Variants in FGFR1 observed in about 807,000 individuals in gnomAD.
The protein encoded by FGFR1 is fibroblast growth factor receptor 1, also known as FGFR1/PLAG1 fusion.
Under a neutral mutation model 93.7 loss-of-function variants are expected in FGFR1, and 18 were observed. That is an observed-to-expected ratio of 0.19 (90% CI 0.13 to 0.28). The LOEUF is 0.28. FGFR1 is among the 10% of genes least tolerant of loss of function. The probability of loss-of-function intolerance (pLI) is 1.00; values close to 1 mark genes in which losing one functional copy is unlikely to be tolerated. For missense variants in FGFR1, 731 were observed against 1,080.4 expected, an observed-to-expected ratio of 0.68 and a Z score of 4.53; for synonymous variants, 448 against 429.3, an observed-to-expected ratio of 1.04 and a Z score of -0.54.
intron 2 of FGFR1, among the ~76,000 whole-genome samples, chr8:38,439,610 C>T (rs183382824): frequency 4.3e-4 from 65 of 152,300 alleles, no homozygotes; most frequent in Admixed American, 3.5e-3. Context: ...CTCTCAACCA[C>T]GTCCTCTCCC....
At chr8:38,428,566 A>T (rs1821654343) in intron 3 of FGFR1, 131 bp from the exon 4 acceptor site, 1 of 729,040 alleles carries the variant, frequency 1.4e-6, no homozygotes, top group Non-Finnish European at 2.4e-6. Context: ...CTTAGTGATG[A>T]TCTCTTGGTG....
chr8:38,437,198 C>T (rs1257704724), intron 2 of FGFR1, among the ~76,000 whole-genome samples: 1 of 152,148 alleles, frequency 6.6e-6, no homozygotes, highest in Non-Finnish European at 1.5e-5. Context: ...GAGACCCAAA[C>T]CCATACAAAC....
chr8:38,414,791 T>C lies in FGFR1; in HGVS notation c.1965A>G (p.Lys655=). 2 of 1,613,988 alleles carry C rather than the reference T, an allele frequency of 1.2e-6. No individual in the cohort carries two copies. The highest frequency in any genetic ancestry group is 1.7e-6 in the Non-Finnish European group (2 of 1,180,028). The part of the protein sequence containing the change: ...ARDIHHIDYY[K]KTTNGRLPVK... ...TGTCGGCACTCACGTTGGTTGTCTT[T>C]TTATAGTAGTCGATGTGGTGAATGT... Residue 655 remains lysine (K), a synonymous_variant, in exon 14 of 18, where the codon AAA becomes AAG. Coordinates refer to ENST00000447712, the MANE Select transcript of FGFR1 (RefSeq NM_023110.3).
chr8:38,458,760 C>CT, intron 1 of FGFR1: 1 of 219,610 alleles, frequency 4.6e-6, no homozygotes. Context: ...TGGGTACTTT[C>CT]TTTTTGTCTC....
intron 7 of FGFR1, chr8:38,422,160 A>C: frequency 1.7e-6 from 1 of 580,952 alleles, no homozygotes; most frequent in African/African-American, 1.9e-5. Context: ...ACCTGAGAAG[A>C]CGATGGCTGG....
In FGFR1 at chr8:38,429,965, GC is replaced by G; in HGVS notation, c.92-18del. Reference sequence around the variant, plus strand: ...AGGGCTGGGCTGCAGCCACCACGGGGCCGGGAAGGGAAGCCAAGGGGCGAGA... The same window carrying G: ...AGGGCTGGGCTGCAGCCACCACGGGGCGGGAAGGGAAGCCAAGGGGCGAGA... On this transcript the variant is annotated intron_variant, in intron 2 of 17. Coordinates refer to ENST00000447712, the MANE Select transcript of FGFR1 (RefSeq NM_023110.3). The surrounding 1 kb of genome is among the most constrained non-coding windows in gnomAD (Gnocchi z 4.4). The G allele has an allele frequency of 6.3e-7, 1 of 1,594,300 alleles. No homozygotes were observed. Among genetic ancestry groups the G allele is most frequent in the Non-Finnish European group, 8.6e-7 (1 of 1,168,864 alleles).
chr8:38,445,528 C>T (rs1829004639), intron 2 of FGFR1, among the ~76,000 whole-genome samples: 1 of 152,070 alleles, frequency 6.6e-6, no homozygotes, highest in Admixed American at 6.6e-5. Flanking sequence ...TTCATACAGT[C>T]TCAATGAAAT....
intron 13 of FGFR1, among the ~76,000 whole-genome samples, 189 bp downstream of exon 13, chr8:38,415,681 G>A (rs926853510): frequency 7.9e-5 from 12 of 152,096 alleles, no homozygotes; most frequent in African/African-American, 2.4e-4. Context: ...CTGACCCCAA[G>A]GCCACCTGGC....
At chr8:38,453,059 C>T (rs1831590272) in intron 2 of FGFR1, among the ~76,000 whole-genome samples, 1 of 152,208 alleles carries the variant, frequency 6.6e-6, no homozygotes, top group Non-Finnish European at 1.5e-5. Context: ...ATACTTTACA[C>T]TTACAAGGTT....
chr8:38,453,903 C>A (rs10101126), intron 2 of FGFR1, among the ~76,000 whole-genome samples: 3,326 of 152,086 alleles, frequency 0.022, 122 homozygotes, highest in African/African-American at 0.076. Flanking sequence ...TAAAACCAAC[C>A]AACCAACAAA....
chr8:38,414,703 G>T (rs1815717274), intron 14 of FGFR1, 74 bp from the exon 15 acceptor site: 1 of 1,613,388 alleles, frequency 6.2e-7, no homozygotes, highest in African/African-American at 1.3e-5. Context: ...GGGACTGGGG[G>T]GTGGGTTCTC....
At chr8:38,443,305 G>A (rs772799995) in intron 2 of FGFR1, among the ~76,000 whole-genome samples, 11 of 152,262 alleles carry the variant, frequency 7.2e-5, no homozygotes, top group African/African-American at 2.4e-4. Flanking sequence ...TAATGTGTGC[G>A]TGGATCAAAA....
rs1486650304 is a variant in FGFR1 at position 38,412,496 on chromosome 8, A to C, written c.*1132T>G. ...ACTCTCTGCCCAGCGCCTCTACTGC[A>C]TGGATGGGGTTCCTGCCCTCGAAGC... On this transcript the variant is annotated 3_prime_UTR_variant, in exon 18 of 18. Transcript: ENST00000447712. The C allele has an allele frequency of 4.3e-6, 1 of 231,432 alleles. No homozygotes were observed. Among genetic ancestry groups the C allele is most frequent in the Non-Finnish European group, 8.6e-6 (1 of 116,952 alleles). 14.3% of individuals were successfully genotyped at this position (231,432 alleles called of 1,614,324 possible). A position where few individuals can be genotyped will look rare whatever the true frequency, so the allele number is the denominator to read the frequency against.
At chr8:38,451,446 G>A (rs192994508) in intron 2 of FGFR1, among the ~76,000 whole-genome samples, 27 of 152,188 alleles carry the variant, frequency 1.8e-4, no homozygotes, top group Non-Finnish European at 1.5e-5. Flanking sequence ...AGCTGGAGAC[G>A]CCCAGGGATG....
At chr8:38,457,569 G>A (rs1233569710) in intron 1 of FGFR1, 35 bp from the exon 2 acceptor site, 2 of 1,542,624 alleles carry the variant, frequency 1.3e-6, no homozygotes, top group African/African-American at 2.7e-5. Flanking sequence ...AAGTTAGGAG[G>A]GTCTAGGTAG....
At chr8:38,442,394 T>TGTGTGTGTGTGTGC (rs1491339303) in intron 2 of FGFR1, among the ~76,000 whole-genome samples, 20 of 147,054 alleles carry the variant, frequency 1.4e-4, no homozygotes, top group African/African-American at 3.5e-4. Flanking sequence ...TGTGTGTGTG[T>TGTGTGTGTGTGTGC]GCAGGGGTCC....
intron 2 of FGFR1, among the ~76,000 whole-genome samples, chr8:38,450,849 C>G (rs182380314): frequency 6.6e-6 from 1 of 152,310 alleles, no homozygotes; most frequent in Non-Finnish European, 1.5e-5. Flanking sequence ...GAAGCCGGAG[C>G]CAAGAACACA....
At chr8:38,431,776 ATT>A (rs1200055893) in intron 2 of FGFR1, among the ~76,000 whole-genome samples, 1 of 152,200 alleles carries the variant, frequency 6.6e-6, no homozygotes, top group Middle Eastern at 3.2e-3. Context: ...GCACACGTTT[ATT>A]TTTGTGAGTC....
At position 38,415,953 on chromosome 8, in the gene FGFR1, G is replaced by T. The variant is rs2150585866; in HGVS notation, c.1771C>A (p.Pro591Thr). ...TCCTTGGAGGAGAGCTGCTCCTCTGGGTTGTGGCTGGGGTTGTAGCAGTAT... is the reference window on the plus strand; with the variant it reads ...TCCTTGGAGGAGAGCTGCTCCTCTGTGTTGTGGCTGGGGTTGTAGCAGTAT... ...LEYCYNPSHN[P>T]EEQLSSKDLV... Residue 591 changes from proline to threonine, a missense_variant, in exon 13 of 18, where the codon CCA becomes ACA. Around this residue, in one of 10 missense-constraint regions of FGFR1, gnomAD observed 39 missense variants for 39.2 expected, o/e 1.00. Transcript: ENST00000447712. 1.2e-6 allele frequency: 2 copies of T among 1,614,098 alleles called. No homozygotes were observed. Among genetic ancestry groups the T allele is most frequent in the South Asian group, 2.2e-5 (2 of 91,076 alleles).
Sources: gnomAD v4.1 joint callset for allele counts (sites outside exome capture counted in the v4.1 genomes callset) on GRCh38, gnomAD v4.1.1 for gene constraint, gnomAD v4.1.1 regional missense constraint, Gnocchi (gnomAD v3.1) non-coding constraint, MANE v1.5 for transcripts, NCBI Gene and HGNC (gene_info 2026-07-23, HGNC 2026-07-21) for gene names.